EYA2: variants seen among roughly 807,000 people sequenced by gnomAD.
EYA2 encodes the protein EYA transcriptional coactivator and phosphatase 2.
A neutral mutation model predicts 69.2 loss-of-function variants in EYA2; 31 were observed. The ratio of observed to expected loss-of-function variants is 0.45; its 90% CI spans 0.34 to 0.60. The LOEUF is 0.60. Among genes scored for constraint, EYA2 ranks in the 20% least tolerant of loss-of-function variants. The probability of loss-of-function intolerance (pLI) is 0.02; values close to 1 mark genes in which losing one functional copy is unlikely to be tolerated. For synonymous variants in EYA2, 257 were observed against 279.4 expected (o/e 0.92, Z 0.80); for missense variants, 622 against 701.2 (o/e 0.89, Z 1.28).
At chr20:46,915,904 C>T (rs1259271427) in intron 1 of EYA2, among the ~76,000 whole-genome samples, 1 of 152,158 alleles carries the variant, frequency 6.6e-6, no homozygotes, top group African/African-American at 2.4e-5. Flanking sequence ...CGCTTTCCCT[C>T]CCAGTTCTAT....
chr20:46,895,931 C>T (rs961852676), intron 1 of EYA2, among the ~76,000 whole-genome samples: 1 of 152,220 alleles, frequency 6.6e-6, no homozygotes, highest in African/African-American at 2.4e-5. Flanking sequence ...ACAGCGTGCA[C>T]CCTGCCGCGG....
intron 4 of EYA2, among the ~76,000 whole-genome samples, chr20:47,012,740 C>T (rs1249321132): frequency 1.3e-5 from 2 of 152,188 alleles, no homozygotes; most frequent in East Asian, 1.9e-4. Context: ...GTGATCCACC[C>T]ACCTCAGCCT....
At chr20:46,942,575 T>C (rs1471674979) in intron 1 of EYA2, among the ~76,000 whole-genome samples, 1 of 152,176 alleles carries the variant, frequency 6.6e-6, no homozygotes, top group Non-Finnish European at 1.5e-5. Context: ...AGATGTGACT[T>C]ACCCACATGG....
At chr20:47,128,952 G>C (rs2033266074) in intron 9 of EYA2, among the ~76,000 whole-genome samples, 1 of 152,116 alleles carries the variant, frequency 6.6e-6, no homozygotes, top group South Asian at 2.1e-4. Flanking sequence ...GTGAAACCCT[G>C]TCTTCATTAA....
At chr20:47,093,277 C>G (rs1453605652) in intron 8 of EYA2, among the ~76,000 whole-genome samples, 6 of 152,216 alleles carry the variant, frequency 3.9e-5, no homozygotes, top group Non-Finnish European at 8.8e-5. Flanking sequence ...ACCTTCTGTT[C>G]TTGTCTCTGG....
At chr20:46,965,923 C>T (rs1225558243) in intron 1 of EYA2, among the ~76,000 whole-genome samples, 1 of 152,194 alleles carries the variant, frequency 6.6e-6, no homozygotes, top group Non-Finnish European at 1.5e-5. Context: ...GGTGTGGAGT[C>T]AGCTAAGAGG....
intron 12 of EYA2, among the ~76,000 whole-genome samples, chr20:47,177,009 G>A (rs2034440293): frequency 6.6e-6 from 1 of 152,110 alleles, no homozygotes; most frequent in African/African-American, 2.4e-5. Flanking sequence ...CGTTGGCCAG[G>A]CTGATCTCGA....
chr20:46,972,479 C>T (rs1224387486), intron 1 of EYA2, among the ~76,000 whole-genome samples: 2 of 152,210 alleles, frequency 1.3e-5, no homozygotes, highest in African/African-American at 2.4e-5. Context: ...CCGGCTCTGC[C>T]TGTCATTAGC....
At position 47,080,323 on chromosome 20, in the gene EYA2, G is replaced by A. The variant is rs150237931; in HGVS notation, c.661+5988G>A. On this transcript the variant is annotated intron_variant, in intron 7 of 15. Coordinates refer to ENST00000327619, the MANE Select transcript of EYA2 (RefSeq NM_005244.5). ...TGAAAACAAATATATCAAAATTTAT[G>A]GAATGTCATTAAAGCAGTACTTAAA... is the stretch of plus-strand genomic sequence containing the variant. Among the ~76,000 whole-genome samples, 834 of 151,722 alleles carry A rather than the reference G, an allele frequency of 5.5e-3. 9 individuals are homozygous for A. Among genetic ancestry groups the A allele is most frequent in the African/African-American group, 0.019 (797 of 41,340 alleles).
intron 10 of EYA2, among the ~76,000 whole-genome samples, chr20:47,146,498 G>T (rs2033702593): frequency 6.6e-6 from 1 of 152,188 alleles, no homozygotes; most frequent in Admixed American, 6.5e-5. Flanking sequence ...AAGCCAGTTT[G>T]TTTTTATTTT....
chr20:46,946,797 A>G (rs777247977), intron 1 of EYA2, among the ~76,000 whole-genome samples: 19 of 146,606 alleles, frequency 1.3e-4, no homozygotes, highest in Non-Finnish European at 2.9e-4. Flanking sequence ...CCCAACGTAG[A>G]TGATGGGGCT....
intron 9 of EYA2, among the ~76,000 whole-genome samples, chr20:47,124,535 C>A (rs1257269636): frequency 1.3e-5 from 2 of 152,178 alleles, no homozygotes; most frequent in Non-Finnish European, 2.9e-5. Flanking sequence ...GCAGCGGGCA[C>A]TTGCTGGGCA....
chr20:47,185,214 C>T (rs1055224791), intron 15 of EYA2, among the ~76,000 whole-genome samples: 3 of 145,178 alleles, frequency 2.1e-5, no homozygotes, highest in African/African-American at 5.0e-5. Context: ...GGGGTAAAGG[C>T]GGCTAGAACA....
chr20:47,173,846 G>A (rs2034378026), intron 12 of EYA2, among the ~76,000 whole-genome samples: 1 of 152,180 alleles, frequency 6.6e-6, no homozygotes, highest in South Asian at 2.1e-4. Context: ...TTCAGTTGCT[G>A]GTGGTCTTGG....
At chr20:46,986,117 T>C (rs997758758) in intron 1 of EYA2, among the ~76,000 whole-genome samples, 1 of 151,960 alleles carries the variant, frequency 6.6e-6, no homozygotes, top group Non-Finnish European at 1.5e-5. Context: ...CTAAGCACCA[T>C]ACAATATGCT....
chr20:47,064,769 G>A (rs757546222), intron 5 of EYA2, among the ~76,000 whole-genome samples: 4 of 152,200 alleles, frequency 2.6e-5, no homozygotes, highest in Non-Finnish European at 5.9e-5. Context: ...TCTGTAAACT[G>A]AAGGACAATG....
intron 5 of EYA2, among the ~76,000 whole-genome samples, chr20:47,045,801 T>C (rs2030006942): frequency 6.6e-6 from 1 of 152,198 alleles, no homozygotes; most frequent in African/African-American, 2.4e-5. Flanking sequence ...TATTTCCAGC[T>C]TCTATAACAA....
intron 9 of EYA2, among the ~76,000 whole-genome samples, chr20:47,127,584 G>A (rs2033227639): frequency 1.3e-5 from 2 of 152,194 alleles, no homozygotes; most frequent in South Asian, 4.1e-4. Context: ...AAATATGTAT[G>A]AAGAGCACAA....
At chr20:46,980,508 T>A (rs529003566) in intron 1 of EYA2, among the ~76,000 whole-genome samples, 3 of 152,348 alleles carry the variant, frequency 2.0e-5, no homozygotes, top group South Asian at 2.1e-4. Context: ...GGACATATTT[T>A]CAGGGTGCAT....
Sources: allele counts gnomAD v4.1 joint callset (sites outside exome capture counted in the v4.1 genomes callset), GRCh38; gene constraint gnomAD v4.1.1; transcripts MANE v1.5; gene names NCBI Gene and HGNC (gene_info 2026-07-23, HGNC 2026-07-21).